STIMATE: variants seen among roughly 807,000 people sequenced by gnomAD.
STIMATE encodes the protein store-operated calcium entry regulator STIMATE.
A neutral mutation model predicts 36.7 loss-of-function variants in STIMATE; 15 were observed. That is an observed-to-expected ratio of 0.41 (90% CI 0.27 to 0.63). The LOEUF (loss-of-function observed/expected upper bound fraction) is 0.63. Ranked by LOEUF, STIMATE falls within the 20% of genes least tolerant of loss-of-function variation. The probability of loss-of-function intolerance (pLI) is 0.32; values close to 1 mark genes in which losing one functional copy is unlikely to be tolerated. For synonymous variants in STIMATE, 163 were observed against 162.3 expected (o/e 1.00, Z -0.03); for missense variants, 305 against 397.3 (o/e 0.77, Z 1.98).
At chr3:52,865,291 C>T (rs766583045) in intron 1 of STIMATE, among the ~76,000 whole-genome samples, 7 of 152,172 alleles carry the variant, frequency 4.6e-5, no homozygotes, top group Admixed American at 6.5e-5. Flanking sequence ...CCACATTTTC[C>T]TTTCTTCTGC....
At chr3:52,848,963 A>G (rs182708339) in intron 4 of STIMATE, among the ~76,000 whole-genome samples, 2 of 152,352 alleles carry the variant, frequency 1.3e-5, no homozygotes, top group Admixed American at 1.3e-4. Context: ...AGGTACTCAT[A>G]GCCAGCTCCA....
At chr3:52,887,433 C>A (rs186445421) in intron 1 of STIMATE, among the ~76,000 whole-genome samples, 1 of 152,274 alleles carries the variant, frequency 6.6e-6, no homozygotes, top group African/African-American at 2.4e-5. Context: ...TGGATGTTTG[C>A]GGCACAGGAA....
intron 1 of STIMATE, among the ~76,000 whole-genome samples, chr3:52,887,772 C>T (rs1438350994): frequency 1.3e-5 from 2 of 152,168 alleles, no homozygotes; most frequent in African/African-American, 4.8e-5. Context: ...AAAATGGCTG[C>T]ATCCAGGATA....
At chr3:52,879,346 A>T (rs759065531) in intron 1 of STIMATE, among the ~76,000 whole-genome samples, 7 of 152,106 alleles carry the variant, frequency 4.6e-5, no homozygotes, top group Non-Finnish European at 8.8e-5. Flanking sequence ...TTAACAAATC[A>T]TCACCCGCTA....
At chr3:52,896,080 C>G in intron 1 of STIMATE, 1 of 505,158 alleles carries the variant, frequency 2.0e-6, no homozygotes, top group South Asian at 1.6e-5. Context: ...GACAGGCCAC[C>G]AGAAGAACGC....
intron 1 of STIMATE, among the ~76,000 whole-genome samples, chr3:52,866,056 G>A (rs1037836900): frequency 2.0e-5 from 3 of 152,094 alleles, no homozygotes; most frequent in Non-Finnish European, 2.9e-5. Context: ...AGCTGCTGCC[G>A]CGAATGTCCC....
intron 5 of STIMATE, 140 bp downstream of exon 5, chr3:52,844,689 C>A (rs1160965945): frequency 3.5e-6 from 3 of 868,992 alleles, no homozygotes; most frequent in Non-Finnish European, 5.2e-6. Flanking sequence ...GGAGTAGTTG[C>A]CACATCAGAC....
intron 1 of STIMATE, among the ~76,000 whole-genome samples, chr3:52,894,813 A>G (rs1701838034): frequency 6.6e-6 from 1 of 152,252 alleles, no homozygotes; most frequent in South Asian, 2.1e-4. Flanking sequence ...CATTGCCTCG[A>G]GGGCCACGGG....
At chr3:52,893,250 CTT>C (rs1335256772) in intron 1 of STIMATE, among the ~76,000 whole-genome samples, 1 of 151,812 alleles carries the variant, frequency 6.6e-6, no homozygotes, top group Admixed American at 6.6e-5. Flanking sequence ...TATTAATTCT[CTT>C]AAGTATGATG....
rs1002160161 is a variant in STIMATE, at chr3:52,897,520, G to C, written c.-70C>G. On this transcript the variant is annotated 5_prime_UTR_variant, in exon 1 of 8. Coordinates refer to ENST00000355083, the MANE Select transcript of STIMATE (RefSeq NM_198563.5). ...CCTCGCTGCCTGCCGGCGCAGCGCC[G>C]CCAAACCCGCAGCCGGGATCCCAAG... 8.4e-7 allele frequency: 1 copy of C among 1,186,052 alleles called. No individual in the cohort carries two copies. Among genetic ancestry groups the C allele is most frequent in the African/African-American group, 1.6e-5 (1 of 62,396 alleles). The allele number at this position is 1,186,052 out of a possible 1,614,324, so 73.5% of individuals were successfully genotyped here. A position where few individuals can be genotyped will look rare whatever the true frequency, so the allele number is the denominator to read the frequency against.
chr3:52,860,054 CT>C (rs11295590), intron 1 of STIMATE, among the ~76,000 whole-genome samples: 108,225 of 132,342 alleles, frequency 0.82, 44,206 homozygotes, highest in East Asian at 0.95. Context: ...AGTCCAGATT[CT>C]TTTTTTTTTT....
At chr3:52,857,363 G>A (rs529394696) in intron 1 of STIMATE, among the ~76,000 whole-genome samples, 16 of 152,262 alleles carry the variant, frequency 1.1e-4, no homozygotes, top group African/African-American at 3.1e-4. Context: ...AACAGCTCTT[G>A]GAAGCAGGAG....
intron 5 of STIMATE, 95 bp downstream of exon 5, chr3:52,844,734 T>C (rs1700864485): frequency 7.0e-7 from 1 of 1,421,316 alleles, no homozygotes; most frequent in Admixed American, 1.9e-5. Flanking sequence ...TTAAAACAAG[T>C]TTGGTTTTCC....
chr3:52,852,487 AG>A, intron 3 of STIMATE, 115 bp downstream of exon 3: 3 of 1,269,306 alleles, frequency 2.4e-6, no homozygotes, highest in Non-Finnish European at 3.3e-6. Context: ...ACAGAGGAAA[AG>A]GGGAGCACCC....
In STIMATE at chr3:52,840,389, G is replaced by T; in HGVS notation, c.*105C>A. Reference sequence around the variant, plus strand: ...GGGCAGAGACAGCAAGAGGAGCAGAGGTAGAAAGGAAGGGCAGAGAGAGGG... The same window carrying T: ...GGGCAGAGACAGCAAGAGGAGCAGATGTAGAAAGGAAGGGCAGAGAGAGGG... On this transcript the variant is annotated 3_prime_UTR_variant, in exon 8 of 8. Transcript: ENST00000355083. 7.9e-7 allele frequency: 1 copy of T among 1,260,782 alleles called. No individual in the cohort carries two copies. The allele number at this position is 1,260,782 out of a possible 1,614,324, so 78.1% of individuals were successfully genotyped here. A position where few individuals can be genotyped will look rare whatever the true frequency, so the allele number is the denominator to read the frequency against.
At chr3:52,861,240 T>C (rs1457709790) in intron 1 of STIMATE, among the ~76,000 whole-genome samples, 1 of 152,060 alleles carries the variant, frequency 6.6e-6, no homozygotes, top group Non-Finnish European at 1.5e-5. Context: ...GCAAGAGCCC[T>C]ACTGAACAGA....
intron 1 of STIMATE, among the ~76,000 whole-genome samples, chr3:52,890,972 A>G (rs1439370045): frequency 6.6e-6 from 1 of 152,258 alleles, no homozygotes; most frequent in African/African-American, 2.4e-5. Context: ...ACAAAGGCCC[A>G]GAAAAGCAGA....
At chr3:52,896,252 C>G (rs1034892031) in intron 1 of STIMATE, among the ~76,000 whole-genome samples, 1 of 152,190 alleles carries the variant, frequency 6.6e-6, no homozygotes, top group Non-Finnish European at 1.5e-5. Flanking sequence ...CCAAAGCATA[C>G]TTTCTGCAGG....
At chr3:52,863,161 T>A (rs1380625599) in intron 1 of STIMATE, among the ~76,000 whole-genome samples, 1 of 152,172 alleles carries the variant, frequency 6.6e-6, no homozygotes, top group Admixed American at 6.5e-5. Context: ...TCTTTTCTCT[T>A]TTTCTTTCAA....
Sources: allele counts gnomAD v4.1 joint callset (sites outside exome capture counted in the v4.1 genomes callset), GRCh38; gene constraint gnomAD v4.1.1; transcripts MANE v1.5; gene names NCBI Gene and HGNC (gene_info 2026-07-23, HGNC 2026-07-21).